PLEKHA8: variants seen among roughly 807,000 people sequenced by gnomAD.
The protein encoded by PLEKHA8 is pleckstrin homology domain containing A8, also known as pleckstrin homology domain-containing family A member 8.
In PLEKHA8, 36 loss-of-function variants were observed where a neutral mutation model predicts 68.2. The observed-to-expected ratio is 0.53, with a 90% CI of 0.40 to 0.70. The LOEUF is 0.70. PLEKHA8 is among the 30% of genes least tolerant of loss of function. PLEKHA8 has a pLI of 0.00. For missense variants in PLEKHA8, 505 were observed against 615.4 expected (o/e 0.82, Z 1.90); for synonymous variants, 211 against 216.1 (o/e 0.98, Z 0.20).
chr7:30,078,810 A>C lies in PLEKHA8; in HGVS notation c.*23A>C, dbSNP rs1794773174. ...TGATGGCTGCTGGGCAGCACCTCCTAACTTCAGGGAATAAGTGCTAAAGTG... is the reference window on the plus strand; with the variant it reads ...TGATGGCTGCTGGGCAGCACCTCCTCACTTCAGGGAATAAGTGCTAAAGTG... On this transcript the variant is annotated 3_prime_UTR_variant, in exon 14 of 14. Transcript: ENST00000449726. The C allele has an allele frequency of 1.9e-6, 3 of 1,608,548 alleles. No homozygotes were observed. In the African/African-American group the frequency reaches 4.0e-5, roughly 22 times the overall value.
chr7:30,067,016 A>G (rs1201123110), intron 12 of PLEKHA8, among the ~76,000 whole-genome samples: 1 of 152,248 alleles, frequency 6.6e-6, no homozygotes, highest in Admixed American at 6.5e-5. Context: ...CATTTGCAGC[A>G]TATGCCTCCA....
chr7:30,056,411 A>G, intron 9 of PLEKHA8, among the ~76,000 whole-genome samples: 1 of 143,706 alleles, frequency 7.0e-6, no homozygotes, highest in East Asian at 2.0e-4. Context: ...TATATATAAC[A>G]TACATATATA....
rs535832399 is a variant in PLEKHA8, at chr7:30,077,529, T to G, written c.1363-1061T>G. ...TAAAATAAGGAAAGTGGTATTAGTC[T>G]TCTTCTATAAATAAGGAAACTGAGA... On this transcript the variant is annotated intron_variant, in intron 13 of 13. Coordinates refer to ENST00000449726, the MANE Select transcript of PLEKHA8 (RefSeq NM_001197026.2). Among the ~76,000 whole-genome samples the G allele has an allele frequency of 8.5e-5, 13 of 152,304 alleles. No individual in the cohort carries two copies. The South Asian group carries it at 1.9e-3, about 22-fold the overall frequency.
At position 30,081,018 on chromosome 7, in the gene PLEKHA8, T is replaced by C. The variant is rs953272462; in HGVS notation, c.*2231T>C. On this transcript the variant is annotated 3_prime_UTR_variant, in exon 14 of 14. Transcript: ENST00000449726. Reference sequence around the variant, plus strand: ...GTGGTCTCTTGGAGAGGTAGCACTCTGAAAATACCTCAGGTTTGCCACCGC... The same window carrying C: ...GTGGTCTCTTGGAGAGGTAGCACTCCGAAAATACCTCAGGTTTGCCACCGC... 5.3e-5 allele frequency: 52 copies of C among 985,282 alleles called. No individual in the cohort carries two copies. The highest frequency in any genetic ancestry group is 1.2e-4 in the Admixed American group (2 of 16,246). The allele number at this position is 985,282 out of a possible 1,614,324, so 61.0% of individuals were successfully genotyped here. A position where few individuals can be genotyped will look rare whatever the true frequency, so the allele number is the denominator to read the frequency against.
intron 1 of PLEKHA8, among the ~76,000 whole-genome samples, chr7:30,038,397 A>T (rs1190214250): frequency 6.6e-6 from 1 of 152,216 alleles, no homozygotes; most frequent in African/African-American, 2.4e-5. Context: ...AATATTAGGA[A>T]ATTAAACAGT....
chr7:30,129,299 A>C, exon 14 of PLEKHA8: 1 of 1,612,818 alleles, frequency 6.2e-7, no homozygotes, highest in Non-Finnish European at 8.5e-7. Flanking sequence ...GAACTCCAGA[A>C]ACCATCATGG....
chr7:30,124,817 G>A (rs1044983598), intron 13 of PLEKHA8, among the ~76,000 whole-genome samples: 1 of 151,846 alleles, frequency 6.6e-6, no homozygotes, highest in African/African-American at 2.4e-5. Flanking sequence ...ACTCAAATAA[G>A]TAATAAAGTA....
intron 12 of PLEKHA8, among the ~76,000 whole-genome samples, chr7:30,073,024 G>A (rs1010592801): frequency 1.3e-5 from 2 of 152,162 alleles, no homozygotes; most frequent in South Asian, 2.1e-4. Context: ...TTTCAGGAAC[G>A]CATCCTTTGC....
Position 30,081,596 on chromosome 7 carries a change from A to G in PLEKHA8, c.*2809A>G, listed in dbSNP as rs1209945815. 25 of 985,222 alleles carry G rather than the reference A, an allele frequency of 2.5e-5. No homozygotes were observed. Among genetic ancestry groups the G allele is most frequent in the Non-Finnish European group, 3.0e-5 (25 of 829,850 alleles). The allele number at this position is 985,222 out of a possible 1,614,324, so 61.0% of individuals were successfully genotyped here. A position where few individuals can be genotyped will look rare whatever the true frequency, so the allele number is the denominator to read the frequency against. On this transcript the variant is annotated 3_prime_UTR_variant, in exon 14 of 14. Transcript: ENST00000449726. ...TTCTGGGACAACTAAATTTACTTTC[A>G]CCATTACTGTGAGAGGAGGTGAGAA...
chr7:30,098,784 G>A (rs1345428254), intron 13 of PLEKHA8, among the ~76,000 whole-genome samples: 1 of 152,280 alleles, frequency 6.6e-6, no homozygotes, highest in Non-Finnish European at 1.5e-5. Flanking sequence ...CTTCCTGGGT[G>A]ATGCGATGTT....
rs1243336253 is a variant in PLEKHA8 at position 30,081,608 on chromosome 7, AGAG to A, written c.*2826_*2828del. On this transcript the variant is annotated 3_prime_UTR_variant, in exon 14 of 14. Coordinates refer to ENST00000449726, the MANE Select transcript of PLEKHA8 (RefSeq NM_001197026.2). Reference sequence around the variant, plus strand: ...TAAATTTACTTTCACCATTACTGTGAGAGGAGGTGAGAAAACTCTAGTATTTTG... The same window carrying A: ...TAAATTTACTTTCACCATTACTGTGAGAGGTGAGAAAACTCTAGTATTTTG... The A allele has an allele frequency of 1.4e-5, 14 of 985,180 alleles. No individual in the cohort carries two copies. In the East Asian group the frequency reaches 4.5e-4, roughly 32 times the overall value. 61.0% of individuals were successfully genotyped at this position (985,180 alleles called of 1,614,324 possible).
chr7:30,115,064 A>G (rs577975334), intron 13 of PLEKHA8, among the ~76,000 whole-genome samples: 18 of 152,272 alleles, frequency 1.2e-4, no homozygotes, highest in African/African-American at 4.3e-4. Context: ...CAGCTGTGGC[A>G]GCATCCCACA....
At position 30,083,651 on chromosome 7, in the gene PLEKHA8, A is replaced by G; in HGVS notation, c.*4864A>G. 3 of 985,404 alleles carry G rather than the reference A, an allele frequency of 3.0e-6. No individual in the cohort carries two copies. The highest frequency in any genetic ancestry group is 3.6e-6 in the Non-Finnish European group (3 of 829,888). 61.0% of individuals were successfully genotyped at this position (985,404 alleles called of 1,614,324 possible). A position where few individuals can be genotyped will look rare whatever the true frequency, so the allele number is the denominator to read the frequency against. On this transcript the variant is annotated 3_prime_UTR_variant, in exon 14 of 14. Transcript: ENST00000449726. ...AGCCTTTAATTAAAAGGAAAAAAAT[A>G]CCACTACTCTGCAATGCAAAAGTCT...
chr7:30,080,382 A>T lies in PLEKHA8; in HGVS notation c.*1595A>T. 2.0e-6 allele frequency: 2 copies of T among 985,308 alleles called. No homozygotes were observed. The highest frequency in any genetic ancestry group is 2.4e-6 in the Non-Finnish European group (2 of 829,890). The allele number at this position is 985,308 out of a possible 1,614,324, so 61.0% of individuals were successfully genotyped here. A position where few individuals can be genotyped will look rare whatever the true frequency, so the allele number is the denominator to read the frequency against. On this transcript the variant is annotated 3_prime_UTR_variant, in exon 14 of 14. Transcript: ENST00000449726. Reference sequence around the variant, plus strand: ...TAGTAACAGGAAGGGAAGTTCCAGCATGAGGTAGTTATCCAGGGTAGAAGG... The same window carrying T: ...TAGTAACAGGAAGGGAAGTTCCAGCTTGAGGTAGTTATCCAGGGTAGAAGG...
At chr7:30,116,274 GTA>G (rs1468142073) in intron 13 of PLEKHA8, among the ~76,000 whole-genome samples, 5 of 150,904 alleles carry the variant, frequency 3.3e-5, no homozygotes, top group Admixed American at 1.3e-4. Context: ...ATACATGTAT[GTA>G]TGTATACATG....
chr7:30,080,509 G>T lies in PLEKHA8; in HGVS notation c.*1722G>T. 6 of 985,330 alleles carry T rather than the reference G, an allele frequency of 6.1e-6. No homozygotes were observed. The highest frequency in any genetic ancestry group is 7.2e-6 in the Non-Finnish European group (6 of 829,904). The allele number at this position is 985,330 out of a possible 1,614,324, so 61.0% of individuals were successfully genotyped here. A position where few individuals can be genotyped will look rare whatever the true frequency, so the allele number is the denominator to read the frequency against. On this transcript the variant is annotated 3_prime_UTR_variant, in exon 14 of 14. Transcript: ENST00000449726. ...GAGAATTCTCTCTTTAGTCAGAGAAGTTTATGTAGGGAGGGGTATTGGTTT... is the reference window on the plus strand; with the variant it reads ...GAGAATTCTCTCTTTAGTCAGAGAATTTTATGTAGGGAGGGGTATTGGTTT...
At chr7:30,062,626 A>G (rs1173370942) in intron 11 of PLEKHA8, 46 bp from the exon 12 acceptor site, 5 of 1,436,074 alleles carry the variant, frequency 3.5e-6, no homozygotes, top group Non-Finnish European at 2.9e-6. Context: ...CCCACTCAAC[A>G]TAAGTGAACT....
intron 13 of PLEKHA8, among the ~76,000 whole-genome samples, chr7:30,121,852 T>C (rs1211296644): frequency 6.6e-6 from 1 of 152,218 alleles, no homozygotes; most frequent in Non-Finnish European, 1.5e-5. Context: ...GGTTCTGTCC[T>C]GCACATACCA....
Position 30,082,753 on chromosome 7 carries a change from T to G in PLEKHA8, c.*3966T>G. 5 of 985,402 alleles carry G rather than the reference T, an allele frequency of 5.1e-6. No individual in the cohort carries two copies. Among genetic ancestry groups the G allele is most frequent in the Non-Finnish European group, 6.0e-6 (5 of 829,908 alleles). The allele number at this position is 985,402 out of a possible 1,614,324, so 61.0% of individuals were successfully genotyped here. The stretch of plus-strand genomic sequence containing the variant: ...AAGAGGAGCCAAAGTAAGAGATTTT[T>G]TTTTAAGGAAACTTAATCTGATTGT... On this transcript the variant is annotated 3_prime_UTR_variant, in exon 14 of 14. Coordinates refer to ENST00000449726, the MANE Select transcript of PLEKHA8 (RefSeq NM_001197026.2).
Sources: allele counts gnomAD v4.1 joint callset (sites outside exome capture counted in the v4.1 genomes callset), GRCh38; gene constraint gnomAD v4.1.1; transcripts MANE v1.5; gene names NCBI Gene and HGNC (gene_info 2026-07-23, HGNC 2026-07-21).